The following ZNF732 variants were observed in gnomAD, a reference collection of about 807,000 sequenced individuals.
ZNF732 encodes zinc finger protein 732, also known as zinc finger protein LOC654254.
A neutral mutation model predicts 11.5 loss-of-function variants in ZNF732; 12 were observed. That is an observed-to-expected ratio of 1.05 (90% CI 0.67 to 1.70). ZNF732 has a LOEUF of 1.70. ZNF732 is among the 40% of genes most tolerant of loss of function. ZNF732 has a pLI of 0.00. For synonymous variants in ZNF732, 231 were observed against 236.5 expected (o/e 0.98, Z 0.21); for missense variants, 702 against 676.9 (o/e 1.04, Z -0.41).
chr4:303,064 T>G (rs1237501836), intron 1 of ZNF732, among the ~76,000 whole-genome samples: 1 of 152,130 alleles, frequency 6.6e-6, no homozygotes, highest in African/African-American at 2.4e-5. Flanking sequence ...GCGAGCAATA[T>G]CCACAGTTCC....
At chr4:287,947 A>ATT (rs35663095) in intron 3 of ZNF732, among the ~76,000 whole-genome samples, 85 of 149,382 alleles carry the variant, frequency 5.7e-4, no homozygotes, top group Admixed American at 1.4e-3. Context: ...TCTTTACAAC[A>ATT]TTTTTTTTTT....
chr4:301,052 C>A (rs918901842), intron 1 of ZNF732, among the ~76,000 whole-genome samples: 1 of 152,102 alleles, frequency 6.6e-6, no homozygotes, highest in Non-Finnish European at 1.5e-5. Flanking sequence ...AACAAGTGGG[C>A]GAAGGATATG....
At chr4:295,725 T>C (rs1296064067) in intron 2 of ZNF732, among the ~76,000 whole-genome samples, 192 bp from the exon 3 acceptor site, 1 of 152,142 alleles carries the variant, frequency 6.6e-6, no homozygotes, top group Admixed American at 6.5e-5. Context: ...CAAGTACTAC[T>C]GAATCAAAAT....
intron 1 of ZNF732, among the ~76,000 whole-genome samples, chr4:296,655 G>A (rs983747872): frequency 5.9e-5 from 9 of 152,150 alleles, no homozygotes; most frequent in African/African-American, 1.7e-4. Flanking sequence ...GCTTCAATGC[G>A]CATAAAAATT....
chr4:301,814 A>C (rs1382523658), intron 1 of ZNF732, among the ~76,000 whole-genome samples: 1 of 152,218 alleles, frequency 6.6e-6, no homozygotes, highest in Non-Finnish European at 1.5e-5. Context: ...ACATGTATAC[A>C]TATGTAACAA....
chr4:305,284 G>C, intron 1 of ZNF732, 24 bp downstream of exon 1: 4 of 1,605,114 alleles, frequency 2.5e-6, no homozygotes, highest in Non-Finnish European at 2.5e-6. Context: ...CCCCAGCCTT[G>C]GGACGCCCTG....
chr4:293,712 A>C (rs1553841750), intron 3 of ZNF732, among the ~76,000 whole-genome samples: 1 of 152,212 alleles, frequency 6.6e-6, no homozygotes, highest in Non-Finnish European at 1.5e-5. Context: ...TTACCAAAAA[A>C]AATGGTTAGC....
rs553834540 is a variant in ZNF732 at position 295,488 on chromosome 4, C to T, written c.176G>A (p.Arg59Lys). The T allele has an allele frequency of 9.9e-6, 16 of 1,612,816 alleles. No homozygotes were observed. In the African/African-American group the frequency reaches 2.1e-4, roughly 22 times the overall value. Residue 59 changes from arginine (R) to lysine (K), a missense_variant, in exon 3 of 4, where the codon AGA becomes AAA. Arg to Lys is a conservative substitution (Grantham distance 26, BLOSUM62 2). This residue lies in a region of ZNF732 where 596 missense variants were observed against 557.9 expected (regional missense o/e 1.07). Transcript: ENST00000419098. ...TATCTTCACTTTGTAGGGCTCCTTT[C>T]TTTGCTCCAGATAGATGACCAGGTC... ...NPDLVIYLEQ[R>K]KEPYKVKIHE...
At chr4:291,690 T>G (rs1719845107) in intron 3 of ZNF732, among the ~76,000 whole-genome samples, 2 of 152,212 alleles carry the variant, frequency 1.3e-5, no homozygotes, top group South Asian at 4.1e-4. Flanking sequence ...AAAATTTTAG[T>G]GGCGTTTTTC....
intron 3 of ZNF732, among the ~76,000 whole-genome samples, chr4:273,427 A>G (rs1173876255): frequency 2.6e-5 from 4 of 152,032 alleles, no homozygotes; most frequent in Non-Finnish European, 5.9e-5. Flanking sequence ...CTAATTAAAC[A>G]ATTTAAAATT....
At chr4:299,580 TTA>T (rs1370463702) in intron 1 of ZNF732, among the ~76,000 whole-genome samples, 2 of 139,942 alleles carry the variant, frequency 1.4e-5, no homozygotes, top group Non-Finnish European at 3.1e-5. Flanking sequence ...TATATATAAT[TTA>T]TATATAAATA....
chr4:299,118 G>A (rs1222585560), intron 1 of ZNF732, among the ~76,000 whole-genome samples: 2 of 151,968 alleles, frequency 1.3e-5, no homozygotes, highest in African/African-American at 4.8e-5. Flanking sequence ...TTCTAGGTGG[G>A]ATCAATGTGC....
intron 3 of ZNF732, among the ~76,000 whole-genome samples, 178 bp downstream of exon 3, chr4:295,251 GAGAATTCTT>G (rs2108659314): frequency 6.6e-6 from 1 of 152,274 alleles, no homozygotes; most frequent in African/African-American, 2.4e-5. Flanking sequence ...AAAGAAAAAA[GAGAATTCTT>G]AGATTTAACA....
intron 1 of ZNF732, 117 bp downstream of exon 1, chr4:305,191 T>C: frequency 7.1e-7 from 1 of 1,406,300 alleles, no homozygotes; most frequent in Non-Finnish European, 9.5e-7. Flanking sequence ...GACCAAGGAC[T>C]GAGGGCTGAG....
intron 1 of ZNF732, among the ~76,000 whole-genome samples, chr4:297,520 C>T (rs1719977875): frequency 6.8e-6 from 1 of 147,742 alleles, no homozygotes; most frequent in Non-Finnish European, 1.5e-5. Context: ...ATAGAATAAC[C>T]GGTCAATATA....
chr4:280,585 C>CA (rs1270810031), intron 3 of ZNF732, among the ~76,000 whole-genome samples: 5 of 151,072 alleles, frequency 3.3e-5, no homozygotes, highest in South Asian at 2.1e-4. Flanking sequence ...AAAATTCTGC[C>CA]AAAAAAAAGC....
At chr4:284,440 T>C (rs1553840311) in intron 3 of ZNF732, among the ~76,000 whole-genome samples, 1 of 152,092 alleles carries the variant, frequency 6.6e-6, no homozygotes. Context: ...AGACAGAATG[T>C]TATAGTAATA....
At position 270,857 on chromosome 4, in the gene ZNF732, G is replaced by A; in HGVS notation, c.*242C>T. 4 of 574,446 alleles carry A rather than the reference G, an allele frequency of 7.0e-6. No homozygotes were observed. The highest frequency in any genetic ancestry group is 6.4e-5 in the South Asian group (4 of 62,062). 35.6% of individuals were successfully genotyped at this position (574,446 alleles called of 1,614,324 possible). A position where few individuals can be genotyped will look rare whatever the true frequency, so the allele number is the denominator to read the frequency against. On this transcript the variant is annotated 3_prime_UTR_variant, in exon 4 of 4. Transcript: ENST00000419098. ...CCACATTCTTCACATTTGTAGGGTT[G>A]CTCTCCAGCATCAATTTTCTTATGT...
chr4:270,837 T>A lies in ZNF732; in HGVS notation c.*262A>T. The A allele has an allele frequency of 9.1e-5, 56 of 612,390 alleles. No homozygotes were observed. The highest frequency in any genetic ancestry group is 1.4e-4 in the Non-Finnish European group (46 of 319,632). The allele number at this position is 612,390 out of a possible 1,614,324, so 37.9% of individuals were successfully genotyped here. On this transcript the variant is annotated 3_prime_UTR_variant, in exon 4 of 4. Coordinates refer to ENST00000419098, the MANE Select transcript of ZNF732 (RefSeq NM_001137608.3). ...TGGACCATCTAAAAGCTTTGCCACATTCTTCACATTTGTAGGGTTGCTCTC... is the reference window on the plus strand; with the variant it reads ...TGGACCATCTAAAAGCTTTGCCACAATCTTCACATTTGTAGGGTTGCTCTC...
Sources: allele counts gnomAD v4.1 joint callset (sites outside exome capture counted in the v4.1 genomes callset), GRCh38; gene constraint gnomAD v4.1.1; regional missense constraint gnomAD v4.1.1; transcripts MANE v1.5; gene names NCBI Gene and HGNC (gene_info 2026-07-23, HGNC 2026-07-21).